ATP9B: variants seen among roughly 807,000 people sequenced by gnomAD.
ATP9B encodes probable phospholipid-transporting ATPase IIB.
In ATP9B, 110 loss-of-function variants were observed where a neutral mutation model predicts 146.1. The observed-to-expected ratio is 0.75, with a 90% confidence interval of 0.65 to 0.88. The LOEUF (loss-of-function observed/expected upper bound fraction) is 0.88. Among genes scored for constraint, ATP9B ranks in the 40% least tolerant of loss-of-function variants. ATP9B has a pLI of 0.00. For missense variants in ATP9B, 1,499 were observed against 1,496.4 expected (o/e 1.00, Z -0.03); for synonymous variants, 604 against 569.7 (o/e 1.06, Z -0.86).
intron 12 of ATP9B, among the ~76,000 whole-genome samples, chr18:79,274,474 T>C (rs1014839825): frequency 4.6e-5 from 7 of 152,202 alleles, no homozygotes; most frequent in African/African-American, 1.7e-4. Flanking sequence ...AAATACCCCA[T>C]GTGGTAGTAT....
rs540280680 is a variant in ATP9B at position 79,369,317 on chromosome 18, G to A, written c.3013-3508G>A. Among the ~76,000 whole-genome samples the A allele has an allele frequency of 4.6e-5, 7 of 151,514 alleles. No individual in the cohort carries two copies. The East Asian group carries it at 9.9e-4, about 21-fold the overall frequency. ...TGGGAGGCCGAGGCGGGCGGGTCAC[G>A]AGTCAGGAGATCGAGACCAGCCTGG... On this transcript the variant is annotated intron_variant, in intron 26 of 29. Coordinates refer to ENST00000426216, the MANE Select transcript of ATP9B (RefSeq NM_198531.5).
At chr18:79,367,579 C>T (rs1300033164) in intron 26 of ATP9B, among the ~76,000 whole-genome samples, 4 of 152,268 alleles carry the variant, frequency 2.6e-5, no homozygotes, top group Admixed American at 6.5e-5. Flanking sequence ...AGCGCCTCCT[C>T]AACCAGAGGA....
chr18:79,182,311 ACT>A, intron 8 of ATP9B, among the ~76,000 whole-genome samples: 1 of 151,908 alleles, frequency 6.6e-6, no homozygotes, highest in Non-Finnish European at 1.5e-5. Flanking sequence ...GGCCGGACAT[ACT>A]CTTACCCTGT....
chr18:79,240,763 A>T (rs1568473282), intron 11 of ATP9B, among the ~76,000 whole-genome samples: 1 of 152,228 alleles, frequency 6.6e-6, no homozygotes, highest in East Asian at 1.9e-4. Context: ...CAACAGAAAA[A>T]GAAGGTTCAA....
At chr18:79,347,412 C>G (rs542255727) in intron 23 of ATP9B, among the ~76,000 whole-genome samples, 1 of 150,332 alleles carries the variant, frequency 6.7e-6, no homozygotes, top group East Asian at 1.9e-4. Context: ...AGGGCTGGCC[C>G]ATGTCAGATC....
chr18:79,330,092 G>T lies in ATP9B; in HGVS notation c.2016G>T (p.Trp672Cys). The change falls in exon 17 of 30, where the codon TGG becomes TGT. Residue 672 changes from tryptophan to cysteine, a missense_variant. By Grantham distance (215) the Trp-to-Cys change is radical. Transcript: ENST00000426216. ...CTCCTATCGTGCAGTATAATGACTG[G>T]CTGGAAGAGGAGGTATGTGAGTGAC... Reference protein sequence around the residue: ...AMSPIVQYNDWLEEECGNMAR... With the variant: ...AMSPIVQYNDCLEEECGNMAR... 6.2e-7 allele frequency: 1 copy of T among 1,614,010 alleles called. No homozygotes were observed. Among genetic ancestry groups the T allele is most frequent in the Non-Finnish European group, 8.5e-7 (1 of 1,179,874 alleles).
intron 1 of ATP9B, among the ~76,000 whole-genome samples, chr18:79,080,366 T>C (rs987747029): frequency 2.0e-5 from 3 of 152,236 alleles, no homozygotes; most frequent in African/African-American, 4.8e-5. Flanking sequence ...ACATCCCTTA[T>C]AAGTTGTATT....
intron 7 of ATP9B, among the ~76,000 whole-genome samples, chr18:79,165,559 T>G (rs1329782698): frequency 6.6e-6 from 1 of 152,246 alleles, no homozygotes; most frequent in African/African-American, 2.4e-5. Flanking sequence ...TTAACCTTAC[T>G]TGTTCAGTTA....
chr18:79,097,361 T>G (rs2074877697), intron 2 of ATP9B, among the ~76,000 whole-genome samples: 1 of 151,908 alleles, frequency 6.6e-6, no homozygotes, highest in Non-Finnish European at 1.5e-5. Flanking sequence ...ATTTTATTAT[T>G]ATTTTTATAT....
chr18:79,076,890 A>AT (rs565585169), intron 1 of ATP9B, among the ~76,000 whole-genome samples: 7 of 148,846 alleles, frequency 4.7e-5, no homozygotes, highest in African/African-American at 7.7e-5. Context: ...AAGTTCACTG[A>AT]TTTTTTCTTC....
At chr18:79,230,837 A>G (rs1445951750) in intron 11 of ATP9B, among the ~76,000 whole-genome samples, 1 of 152,226 alleles carries the variant, frequency 6.6e-6, no homozygotes, top group Non-Finnish European at 1.5e-5. Context: ...ATGGAACAGA[A>G]TAGAGAACCC....
At chr18:79,370,289 C>T (rs1435346758) in intron 26 of ATP9B, among the ~76,000 whole-genome samples, 1 of 152,114 alleles carries the variant, frequency 6.6e-6, no homozygotes, top group Non-Finnish European at 1.5e-5. Context: ...TGCACGTGAG[C>T]CACATGCCAC....
At chr18:79,238,422 A>G (rs1303642340) in intron 11 of ATP9B, among the ~76,000 whole-genome samples, 3 of 152,200 alleles carry the variant, frequency 2.0e-5, no homozygotes, top group Non-Finnish European at 2.9e-5. Flanking sequence ...GAGCATGTGC[A>G]GGGCCCCTGC....
rs10531617 is a variant in ATP9B, at chr18:79,256,257, C to CTATATATATATATATA, written c.1268+2731_1268+2746dup. ...ATGCCATTTTGTGAATTCTAGCTAG[C>CTATATATATATATATA]TATATATATATATATATATATATAT... On this transcript the variant is annotated intron_variant, in intron 12 of 29. Coordinates refer to ENST00000426216, the MANE Select transcript of ATP9B (RefSeq NM_198531.5). 3.3e-3 allele frequency among the ~76,000 whole-genome samples: 327 copies of CTATATATATATATATA among 100,224 alleles called. 4 individuals carry two copies. The highest frequency in any genetic ancestry group is 7.0e-3 in the African/African-American group (150 of 21,540). 65.8% of individuals were successfully genotyped at this position (100,224 alleles called of 152,430 possible).
intron 12 of ATP9B, among the ~76,000 whole-genome samples, chr18:79,269,115 G>A (rs141317230): frequency 6.6e-6 from 1 of 152,240 alleles, no homozygotes; most frequent in Non-Finnish European, 1.5e-5. Context: ...TAGAAAGTCC[G>A]CCATCATCTC....
chr18:79,135,995 A>G (rs1328473177), intron 5 of ATP9B, among the ~76,000 whole-genome samples: 1 of 152,132 alleles, frequency 6.6e-6, no homozygotes, highest in Non-Finnish European at 1.5e-5. Flanking sequence ...TGTAAACATC[A>G]TGCTCTTTTG....
chr18:79,262,253 T>TCCG (rs2096150822), intron 12 of ATP9B, among the ~76,000 whole-genome samples: 2 of 152,158 alleles, frequency 1.3e-5, no homozygotes. Flanking sequence ...TTCAAGTTTG[T>TCCG]TTAGAATTTT....
intron 8 of ATP9B, among the ~76,000 whole-genome samples, chr18:79,187,673 A>G (rs2095321046): frequency 6.6e-6 from 1 of 152,204 alleles, no homozygotes; most frequent in Non-Finnish European, 1.5e-5. Context: ...AAACCATTCC[A>G]GCAGTTCTCA....
intron 5 of ATP9B, among the ~76,000 whole-genome samples, chr18:79,140,468 C>T (rs906589525): frequency 6.6e-6 from 1 of 151,890 alleles, no homozygotes; most frequent in Non-Finnish European, 1.5e-5. Flanking sequence ...GTTTAAGAAG[C>T]ATTGGTATAA....
Sources: gnomAD v4.1 joint callset for allele counts (sites outside exome capture counted in the v4.1 genomes callset) on GRCh38, gnomAD v4.1.1 for gene constraint, MANE v1.5 for transcripts, NCBI Gene and HGNC (gene_info 2026-07-23, HGNC 2026-07-21) for gene names.